The following DNAH14 variants were observed in gnomAD, a reference collection of about 807,000 sequenced individuals.
DNAH14 encodes the protein axonemal beta dynein heavy chain 14.
DNAH14 carries 478 observed loss-of-function variants against 520.9 expected under a neutral mutation model. The observed-to-expected ratio is 0.92, with a 90% CI of 0.85 to 0.99. DNAH14 has a LOEUF of 0.99. Among genes scored for constraint, DNAH14 ranks in the 50% least tolerant of loss-of-function variants. DNAH14 has a pLI of 0.00. For missense variants in DNAH14, 4,831 were observed against 5,234.5 expected (o/e 0.92, Z 2.38); for synonymous variants, 1,581 against 1,757.2 (o/e 0.90, Z 2.51).
chr1:225,163,137 C>CA (rs34356854), intron 35 of DNAH14, among the ~76,000 whole-genome samples: 6,118 of 52,058 alleles, frequency 0.12, 320 homozygotes, highest in Non-Finnish European at 0.18. Context: ...GACCCTATCT[C>CA]AAAAAAAAAA....
At chr1:225,205,694 T>C (rs1003904451) in intron 39 of DNAH14, among the ~76,000 whole-genome samples, 2 of 152,200 alleles carry the variant, frequency 1.3e-5, no homozygotes, top group African/African-American at 4.8e-5. Flanking sequence ...GGTAAAATTA[T>C]AGCTGTTTCT....
chr1:225,153,254 G>T (rs2080689126), intron 33 of DNAH14, among the ~76,000 whole-genome samples: 1 of 152,128 alleles, frequency 6.6e-6, no homozygotes, highest in South Asian at 2.1e-4. Context: ...AACACAAAGT[G>T]CTGGGCCTTA....
Position 225,152,715 on chromosome 1 carries a change from G to C in DNAH14, c.5028G>C (p.Glu1676Asp), listed in dbSNP as rs1349023494. Residue 1676 changes from glutamate (E) to aspartate (D), a missense_variant, in exon 33 of 86, where the codon GAG (glutamate) becomes GAC (aspartate). By Grantham distance (45) the Glu-to-Asp change is conservative. Transcript: ENST00000682510. The stretch of plus-strand genomic sequence containing the variant: ...TCTTCAGATACGGAGGTGGAGTAGA[G>C]CTCCCAGATAACTTAAAATCTCTGT... ...TMNPRYGGGV[E>D]LPDNLKSLFR... 2.6e-6 allele frequency: 4 copies of C among 1,549,520 alleles called. No homozygotes were observed.
chr1:225,310,414 A>G (rs757925270), intron 60 of DNAH14, among the ~76,000 whole-genome samples: 10 of 152,194 alleles, frequency 6.6e-5, no homozygotes, highest in Non-Finnish European at 1.0e-4. Context: ...CACAAAATCT[A>G]GAAAATTACC....
chr1:225,187,732 C>A (rs1354059242), intron 37 of DNAH14, among the ~76,000 whole-genome samples: 8 of 151,754 alleles, frequency 5.3e-5, no homozygotes, highest in African/African-American at 1.9e-4. Flanking sequence ...TGCTTATTGG[C>A]CATTTGTGTA....
intron 7 of DNAH14, among the ~76,000 whole-genome samples, chr1:224,970,720 A>T (rs2061457043): frequency 6.6e-6 from 1 of 152,126 alleles, no homozygotes; most frequent in African/African-American, 2.4e-5. Context: ...ATTTCCCCTG[A>T]TAGGTTTTGC....
At chr1:225,175,928 G>A (rs1021610667) in intron 36 of DNAH14, among the ~76,000 whole-genome samples, 19 of 151,798 alleles carry the variant, frequency 1.3e-4, no homozygotes, top group Admixed American at 1.1e-3. Context: ...GCTAATTTTT[G>A]TATTTTTAGT....
At chr1:225,209,211 A>G (rs564013689) in intron 41 of DNAH14, among the ~76,000 whole-genome samples, 25 of 152,208 alleles carry the variant, frequency 1.6e-4, no homozygotes, top group Non-Finnish European at 3.4e-4. Context: ...ACTGAGGTAT[A>G]CAGTAGTTAT....
chr1:225,101,096 A>G (rs1206765285), intron 23 of DNAH14, among the ~76,000 whole-genome samples: 2 of 152,124 alleles, frequency 1.3e-5, no homozygotes, highest in Non-Finnish European at 2.9e-5. Context: ...TTGGTAAATT[A>G]TCAAACTTTT....
chr1:225,350,076 G>A (rs75086418), intron 71 of DNAH14, among the ~76,000 whole-genome samples: 6,274 of 152,144 alleles, frequency 0.041, 184 homozygotes, highest in Middle Eastern at 0.075. Flanking sequence ...AATTCAAGAA[G>A]TCATACCAAG....
chr1:225,067,951 A>G (rs534230255), intron 17 of DNAH14, among the ~76,000 whole-genome samples: 45 of 152,214 alleles, frequency 3.0e-4, no homozygotes, highest in African/African-American at 1.1e-3. Context: ...CTTTAGTTTA[A>G]TTAGATTCCA....
In DNAH14 at chr1:225,085,752, C is replaced by T; in HGVS notation, c.3536C>T (p.Ala1179Val). ...TTAGAAGAGTCTCAAGTCATACTTG[C>T]AACAATTAAAGGATCTCCCCACATT... is the stretch of plus-strand genomic sequence containing the variant. ...AQLEESQVILATIKGSPHIGP... is the reference protein window; with the variant it reads ...AQLEESQVILVTIKGSPHIGP... The change falls in exon 21 of 86, where the codon GCA becomes GTA. Residue 1179 changes from alanine to valine, a missense_variant. Ala to Val is a moderately conservative substitution (Grantham distance 64). Transcript: ENST00000682510. 1 of 1,551,014 alleles carries T rather than the reference C, an allele frequency of 6.4e-7. No individual in the cohort carries two copies. Among genetic ancestry groups the T allele is most frequent in the Non-Finnish European group, 8.7e-7 (1 of 1,146,738 alleles).
intron 81 of DNAH14, among the ~76,000 whole-genome samples, chr1:225,386,034 A>G (rs2095837509): frequency 1.3e-5 from 2 of 152,216 alleles, no homozygotes; most frequent in African/African-American, 2.4e-5. Context: ...AAACAGAGAT[A>G]TAGACCAATG....
At chr1:225,016,257 C>T (rs1206018997) in intron 10 of DNAH14, among the ~76,000 whole-genome samples, 1 of 152,016 alleles carries the variant, frequency 6.6e-6, no homozygotes, top group Non-Finnish European at 1.5e-5. Flanking sequence ...CTCAGAATTC[C>T]CTCAGTTTTT....
chr1:225,003,053 G>A (rs556366968), intron 9 of DNAH14, 126 bp downstream of exon 9: 39 of 841,042 alleles, frequency 4.6e-5, no homozygotes, highest in Admixed American at 2.2e-4. Context: ...GATTACTACC[G>A]TTCTAAAATA....
chr1:225,348,810 G>GA (rs2095323781), intron 71 of DNAH14, among the ~76,000 whole-genome samples: 1 of 152,162 alleles, frequency 6.6e-6, no homozygotes, highest in Non-Finnish European at 1.5e-5. Context: ...AGGTAAATAT[G>GA]TGGATAAAGA....
Position 225,049,793 on chromosome 1 carries a change from T to C in DNAH14, c.1913-417T>C, listed in dbSNP as rs149364403. Among the ~76,000 whole-genome samples the C allele has an allele frequency of 6.6e-5, 10 of 152,024 alleles. No homozygotes were observed. In the East Asian group the frequency reaches 1.7e-3, roughly 26 times the overall value. The stretch of plus-strand genomic sequence containing the variant: ...ATCTACCTATCTATCTATCTATCTA[T>C]CTATCTATCTATCTATCAATCATCT... On this transcript the variant is annotated intron_variant, in intron 15 of 85. Transcript: ENST00000682510.
chr1:225,128,929 G>C (rs2078073377), intron 27 of DNAH14, among the ~76,000 whole-genome samples: 1 of 151,560 alleles, frequency 6.6e-6, no homozygotes, highest in East Asian at 1.9e-4. Context: ...CATTGTCTCA[G>C]CCCAAAATCT....
intron 23 of DNAH14, among the ~76,000 whole-genome samples, chr1:225,107,428 G>C (rs1413735391): frequency 2.0e-5 from 3 of 152,146 alleles, no homozygotes; most frequent in Non-Finnish European, 4.4e-5. Context: ...CCTAACATCT[G>C]GCTTTCAACA....
Sources: allele counts gnomAD v4.1 joint callset (sites outside exome capture counted in the v4.1 genomes callset), GRCh38; gene constraint gnomAD v4.1.1; transcripts MANE v1.5; gene names NCBI Gene and HGNC (gene_info 2026-07-23, HGNC 2026-07-21).